CEP57: variants seen among roughly 807,000 people sequenced by gnomAD.
The protein encoded by CEP57 is centrosomal protein of 57 kDa.
A neutral mutation model predicts 68.0 loss-of-function variants in CEP57; 40 were observed. That is an observed-to-expected ratio of 0.59 (90% CI 0.46 to 0.77). The LOEUF is 0.77. Among genes scored for constraint, CEP57 ranks in the 30% least tolerant of loss-of-function variants. CEP57 has a pLI of 0.00. For synonymous variants in CEP57, 219 were observed against 198.7 expected (o/e 1.10, Z -0.86); for missense variants, 606 against 580.7 (o/e 1.04, Z -0.45).
chr11:95,812,968 T>G lies in CEP57; in HGVS notation c.239T>G (p.Ile80Ser). The G allele has an allele frequency of 6.2e-7, 1 of 1,614,060 alleles. No individual in the cohort carries two copies. Among genetic ancestry groups the G allele is most frequent in the Non-Finnish European group, 8.5e-7 (1 of 1,180,006 alleles). Residue 80 changes from isoleucine (I) to serine (S), a missense_variant, in exon 3 of 11, where the codon ATT becomes AGT. Physicochemically the swap from Ile to Ser is moderately radical, Grantham distance 142. Transcript: ENST00000325542. ...FSALKNLQDK[I>S]RRLELERIQA... is the part of the protein sequence containing the mutation. ...GCTCTTAAGAATCTTCAAGATAAGATTCGACGCTTGGAACTTGAGAGGATT... is the reference window on the plus strand; with the variant it reads ...GCTCTTAAGAATCTTCAAGATAAGAGTCGACGCTTGGAACTTGAGAGGATT...
chr11:95,803,177 T>C (rs1364035776), intron 2 of CEP57, among the ~76,000 whole-genome samples: 1 of 152,124 alleles, frequency 6.6e-6, no homozygotes, highest in Non-Finnish European at 1.5e-5. Context: ...GTCTAAGATT[T>C]CTAGTGAAGA....
intron 2 of CEP57, among the ~76,000 whole-genome samples, chr11:95,801,899 C>T (rs1197661607): frequency 1.3e-5 from 2 of 152,056 alleles, no homozygotes; most frequent in African/African-American, 2.4e-5. Flanking sequence ...GAGCATGATG[C>T]GGTGAACTAT....
intron 2 of CEP57, among the ~76,000 whole-genome samples, chr11:95,806,979 G>T (rs1012465368): frequency 6.6e-6 from 1 of 152,172 alleles, no homozygotes; most frequent in African/African-American, 2.4e-5. Context: ...AGTAGGGGCC[G>T]ACTGACACCT....
intron 1 of CEP57, among the ~76,000 whole-genome samples, chr11:95,798,729 GTTT>G (rs1456171387): frequency 1.3e-5 from 2 of 152,124 alleles, no homozygotes; most frequent in Admixed American, 6.5e-5. Context: ...GGGCCTTAAT[GTTT>G]TCTAATTATT....
chr11:95,799,251 C>T lies in CEP57; in HGVS notation c.65C>T (p.Ser22Leu), dbSNP rs554897859. Reference sequence around the variant, plus strand: ...TTTTAGAACAGCTTTGCTGAGCCATCAAGGTCTAATGGAAGCATGGTTCGG... The same window carrying T: ...TTTTAGAACAGCTTTGCTGAGCCATTAAGGTCTAATGGAAGCATGGTTCGG... Reference protein sequence around the residue: ...SHLSNSFAEPSRSNGSMVRHS... With the variant: ...SHLSNSFAEPLRSNGSMVRHS... Residue 22 changes from serine (S) to leucine (L), a missense_variant, in exon 2 of 11, where the codon TCA becomes TTA. By Grantham distance (145) the Ser-to-Leu change is moderately radical (BLOSUM62 -2). Coordinates refer to ENST00000325542, the MANE Select transcript of CEP57 (RefSeq NM_014679.5). 1.4e-4 allele frequency: 223 copies of T among 1,614,076 alleles called. 1 individual carries two copies. The South Asian group carries it at 2.3e-3, about 17-fold the overall frequency.
intron 1 of CEP57, 151 bp from the exon 2 acceptor site, chr11:95,799,080 AT>A: frequency 1.3e-6 from 1 of 753,942 alleles, no homozygotes; most frequent in Non-Finnish European, 2.2e-6. Flanking sequence ...TAAAAGTTGT[AT>A]TTCTTTAATG....
chr11:95,801,672 A>T (rs1224923457), intron 2 of CEP57, among the ~76,000 whole-genome samples: 2 of 152,126 alleles, frequency 1.3e-5, no homozygotes, highest in Non-Finnish European at 2.9e-5. Context: ...CAAAAAAATG[A>T]CAAATTACTA....
rs1470152975 is a variant in CEP57, at chr11:95,810,122, C to T, written c.203-2810C>T. ...AACCACATGATTATCTCAGTAGATG[C>T]AGAAAAGGCCTTCAACAAAATTCAG... On this transcript the variant is annotated intron_variant, in intron 2 of 10. Transcript: ENST00000325542. Among the ~76,000 whole-genome samples, 4 of 152,260 alleles carry T rather than the reference C, an allele frequency of 2.6e-5. No individual in the cohort carries two copies. In the East Asian group the frequency reaches 7.7e-4, roughly 29 times the overall value.
intron 10 of CEP57, 73 bp from the exon 11 acceptor site, chr11:95,830,953 A>T: frequency 8.7e-7 from 1 of 1,149,692 alleles, no homozygotes; most frequent in Non-Finnish European, 1.3e-6. Context: ...GTACTCTTGT[A>T]CTTTTTGTTG....
At chr11:95,830,623 T>C (rs1392535643) in intron 10 of CEP57, among the ~76,000 whole-genome samples, 1 of 152,176 alleles carries the variant, frequency 6.6e-6, no homozygotes, top group Non-Finnish European at 1.5e-5. Flanking sequence ...CTTTCTCCTC[T>C]TCTCCCATTT....
Position 95,831,123 on chromosome 11 carries a change from C to T in CEP57, c.1370C>T (p.Thr457Ile), listed in dbSNP as rs1318846821. The change falls in exon 11 of 11, where the codon ACA (threonine) becomes ATA (isoleucine). Residue 457 changes from threonine (T) to isoleucine (I), a missense_variant. Physicochemically the swap from Thr to Ile is moderately conservative, Grantham distance 89 (BLOSUM62 -1). Coordinates refer to ENST00000325542, the MANE Select transcript of CEP57 (RefSeq NM_014679.5). ...ERNSSSRSGI[T>I]GTTNKKDFMK... ...AACAGCAGCAGCCGTTCTGGAATCA[C>T]AGGGACCACAAATAAGAAAGATTTT... The T allele has an allele frequency of 3.7e-6, 6 of 1,613,528 alleles. No individual in the cohort carries two copies. The highest frequency in any genetic ancestry group is 5.1e-6 in the Non-Finnish European group (6 of 1,179,612).
At chr11:95,799,767 A>G (rs778575798) in intron 2 of CEP57, among the ~76,000 whole-genome samples, 2 of 152,120 alleles carry the variant, frequency 1.3e-5, no homozygotes, top group Non-Finnish European at 2.9e-5. Flanking sequence ...TACATTCCTC[A>G]TTAATCTCCC....
intron 2 of CEP57, among the ~76,000 whole-genome samples, chr11:95,804,499 G>T (rs529219392): frequency 1.3e-5 from 2 of 152,086 alleles, no homozygotes; most frequent in Non-Finnish European, 2.9e-5. Flanking sequence ...AGCTCTAGGC[G>T]CCCCTGAGGC....
At chr11:95,820,579 CAAAAAAA>C (rs56260498) in intron 6 of CEP57, among the ~76,000 whole-genome samples, 1 of 82,440 alleles carries the variant, frequency 1.2e-5, no homozygotes, top group Non-Finnish European at 2.3e-5. Flanking sequence ...GCAACAAGAG[CAAAAAAA>C]AAAAAAAAAA....
intron 8 of CEP57, 153 bp downstream of exon 8, chr11:95,822,729 G>A (rs927911673): frequency 5.8e-6 from 3 of 513,318 alleles, no homozygotes; most frequent in Non-Finnish European, 1.1e-5. Context: ...ATGTAGGGAG[G>A]TTTTTGGGGA....
chr11:95,791,687 T>G (rs1351264627), intron 1 of CEP57, among the ~76,000 whole-genome samples: 1 of 152,142 alleles, frequency 6.6e-6, no homozygotes, highest in Non-Finnish European at 1.5e-5. Context: ...TAACAGTGCT[T>G]GGGTAGGCTA....
intron 2 of CEP57, among the ~76,000 whole-genome samples, chr11:95,802,514 A>G (rs916074234): frequency 4.6e-5 from 7 of 152,038 alleles, no homozygotes; most frequent in Non-Finnish European, 8.8e-5. Context: ...CAGCCTCCCA[A>G]AGTGCTGGGA....
intron 6 of CEP57, 43 bp downstream of exon 6, chr11:95,818,947 CG>C (rs768644523): frequency 7.0e-7 from 1 of 1,437,452 alleles, no homozygotes. Flanking sequence ...TATTTCTTAC[CG>C]CTTTTTGTGT....
chr11:95,806,444 C>G (rs1447979588), intron 2 of CEP57, among the ~76,000 whole-genome samples: 1 of 152,176 alleles, frequency 6.6e-6, no homozygotes, highest in African/African-American at 2.4e-5. Flanking sequence ...CCGGGAAGCG[C>G]AAGGGGTTGG....
Sources: allele counts gnomAD v4.1 joint callset (sites outside exome capture counted in the v4.1 genomes callset), GRCh38; gene constraint gnomAD v4.1.1; transcripts MANE v1.5; gene names NCBI Gene and HGNC (gene_info 2026-07-23, HGNC 2026-07-21).